The following DGKH variants were observed in gnomAD, a reference collection of about 807,000 sequenced individuals.
DGKH encodes diacylglycerol kinase eta.
DGKH carries 90 observed loss-of-function variants against 159.3 expected under a neutral mutation model. That is an observed-to-expected ratio of 0.57 (90% confidence interval 0.48 to 0.67). The LOEUF (loss-of-function observed/expected upper bound fraction) is 0.67. Ranked by LOEUF, DGKH falls within the 30% of genes least tolerant of loss-of-function variation. The pLI, the probability that DGKH is intolerant of heterozygous loss-of-function variation, is 0.00. For synonymous variants in DGKH, 536 were observed against 553.8 expected, an observed-to-expected ratio of 0.97 and a Z score of 0.45; for missense variants, 1,181 against 1,506.1, an observed-to-expected ratio of 0.78 and a Z score of 3.57.
At chr13:42,151,498 T>TATATATATATACAC in intron 3 of DGKH, among the ~76,000 whole-genome samples, 1 of 139,666 alleles carries the variant, frequency 7.2e-6, no homozygotes, top group Non-Finnish European at 1.5e-5. Flanking sequence ...TGTGTGTGTG[T>TATATATATATACAC]GTGTGTGTAT....
intron 5 of DGKH, among the ~76,000 whole-genome samples, chr13:42,157,921 G>A (rs768010913): frequency 2.6e-5 from 4 of 151,982 alleles, no homozygotes; most frequent in Admixed American, 6.6e-5. Flanking sequence ...CATCACACCC[G>A]GCTAATTTTT....
intron 1 of DGKH, chr13:42,070,279 A>G (rs543017416): frequency 1.9e-4 from 238 of 1,222,164 alleles, no homozygotes; most frequent in Non-Finnish European, 2.6e-4. Flanking sequence ...TGGCTCAGTC[A>G]TGTGATTTCT....
downstream of DGKH, among the ~76,000 whole-genome samples, chr13:42,243,415 T>C (rs1196050856): frequency 6.6e-6 from 1 of 152,224 alleles, no homozygotes; most frequent in Non-Finnish European, 1.5e-5. Context: ...GCATTTATAG[T>C]AATGATTCCT....
chr13:42,244,905 A>G (rs1326828220), downstream of DGKH, among the ~76,000 whole-genome samples: 2 of 21,112 alleles, frequency 9.5e-5, no homozygotes, highest in Non-Finnish European at 1.9e-4. Flanking sequence ...CTCCGTCTCA[A>G]AAAAAAAAAA....
At chr13:42,117,881 G>C (rs1244384298) in intron 1 of DGKH, among the ~76,000 whole-genome samples, 2 of 152,012 alleles carry the variant, frequency 1.3e-5, no homozygotes, top group East Asian at 3.9e-4. Flanking sequence ...TTTCATACAC[G>C]TGAAAAGAAA....
Position 42,148,889 on chromosome 13 carries a change from G to A in DGKH, c.385-6402G>A, listed in dbSNP as rs566168863. Reference sequence around the variant, plus strand: ...CCCTCCTTGTGGCTTCTTCCCCGCCGACATACACAGGAAACCTTACTTGGC... The same window carrying A: ...CCCTCCTTGTGGCTTCTTCCCCGCCAACATACACAGGAAACCTTACTTGGC... On this transcript the variant is annotated intron_variant, in intron 3 of 29. Transcript: ENST00000337343. Among the ~76,000 whole-genome samples, 98 of 149,932 alleles carry A rather than the reference G, an allele frequency of 6.5e-4. 1 individual carries two copies. Among genetic ancestry groups the A allele is most frequent in the Middle Eastern group, 3.5e-3 (1 of 284 alleles).
At position 42,198,599 on chromosome 13, in the gene DGKH, A is replaced by C. The variant is rs1363746445; in HGVS notation, c.2285+4A>C. ...TTGACCCGGATCTAGATTCCGTGTA[A>C]GAAAATGCTTTTGCAAATATTTTGT... On this transcript the variant is annotated splice_donor_region_variant and intron_variant, in intron 18 of 29. Coordinates refer to ENST00000337343, the MANE Select transcript of DGKH (RefSeq NM_178009.5). 1 of 1,601,840 alleles carries C rather than the reference A, an allele frequency of 6.2e-7. No homozygotes were observed. Among genetic ancestry groups the C allele is most frequent in the Non-Finnish European group, 8.5e-7 (1 of 1,175,238 alleles).
intron 1 of DGKH, among the ~76,000 whole-genome samples, chr13:42,123,931 C>T (rs1037971986): frequency 7.9e-5 from 12 of 152,038 alleles, no homozygotes; most frequent in African/African-American, 2.9e-4. Context: ...TTGAGTGTGG[C>T]GAATATGTTC....
intron 1 of DGKH, among the ~76,000 whole-genome samples, chr13:42,057,324 A>G (rs1273548232): frequency 1.3e-5 from 2 of 152,192 alleles, no homozygotes; most frequent in African/African-American, 4.8e-5. Context: ...AATGAAAACG[A>G]CAGGAATTTT....
chr13:42,040,992 C>G (rs1038276450), intron 1 of DGKH, among the ~76,000 whole-genome samples: 1 of 151,552 alleles, frequency 6.6e-6, no homozygotes, highest in African/African-American at 2.4e-5. Context: ...TTTGCTCCCC[C>G]CGCCCGGGCC....
chr13:42,168,857 G>A (rs1225123459), intron 11 of DGKH, 39 bp downstream of exon 11: 12 of 1,570,974 alleles, frequency 7.6e-6, no homozygotes, highest in Non-Finnish European at 1.0e-5. Flanking sequence ...ATGGAAAATG[G>A]CATACTGAAA....
rs1408352512 is a variant in DGKH, at chr13:42,084,112, T to G, written c.192+35147T>G. On this transcript the variant is annotated intron_variant, in intron 1 of 29. Coordinates refer to ENST00000337343, the MANE Select transcript of DGKH (RefSeq NM_178009.5). The stretch of plus-strand genomic sequence containing the variant: ...GACATAATTATTGATATAAAATAAC[T>G]CCTGGTCATCCATATTCATGTAAAT... Among the ~76,000 whole-genome samples the G allele has an allele frequency of 3.3e-5, 5 of 152,156 alleles. No homozygotes were observed. In the South Asian group the frequency reaches 1.0e-3, roughly 32 times the overall value.
chr13:42,109,659 TGCGTGTGTGTGC>T (rs1359427620), intron 1 of DGKH, among the ~76,000 whole-genome samples: 63 of 87,860 alleles, frequency 7.2e-4, no homozygotes, highest in African/African-American at 2.3e-3. Context: ...TGCCTGTGCG[TGCGTGTGTGTGC>T]GTGTGTGTGT....
chr13:42,047,763 G>A (rs367729633), upstream of DGKH, among the ~76,000 whole-genome samples: 3 of 152,124 alleles, frequency 2.0e-5, no homozygotes, highest in African/African-American at 7.2e-5. Flanking sequence ...GACTTCCAAG[G>A]CTTTTTGTCT....
Position 42,176,869 on chromosome 13 carries a change from T to A in DGKH, c.1453-1266T>A, listed in dbSNP as rs1956617448. 4.6e-5 allele frequency among the ~76,000 whole-genome samples: 7 copies of A among 152,210 alleles called. No homozygotes were observed. In the South Asian group the frequency reaches 1.4e-3, roughly 32 times the overall value. ...TGATGTAAGGCTCTGAATATGAGGC[T>A]GTTTAAATATTGTGCACATTTTTAC... On this transcript the variant is annotated intron_variant, in intron 12 of 29. Transcript: ENST00000337343.
chr13:42,236,369 A>G lies in DGKH; in HGVS notation c.*7181A>G, dbSNP rs1958412369. ...TTTAAAAAACTGTATTCTTTACTGC[A>G]ATAGATAGCGGAATAGTAATAGACA... On this transcript the variant is annotated 3_prime_UTR_variant, in exon 30 of 30. Coordinates refer to ENST00000337343, the MANE Select transcript of DGKH (RefSeq NM_178009.5). 2 of 152,224 alleles carry G rather than the reference A, an allele frequency of 1.3e-5. No individual in the cohort carries two copies. Among genetic ancestry groups the G allele is most frequent in the African/African-American group, 4.8e-5 (2 of 41,466 alleles). 9.4% of individuals were successfully genotyped at this position (152,224 alleles called of 1,614,324 possible).
rs181611799 is a variant in DGKH, at chr13:42,103,931, C to T, written c.193-23532C>T. Among the ~76,000 whole-genome samples, 188 of 152,140 alleles carry T rather than the reference C, an allele frequency of 1.2e-3. 1 individual carries two copies. Among genetic ancestry groups the T allele is most frequent in the Non-Finnish European group, 1.7e-3 (117 of 68,004 alleles). On this transcript the variant is annotated intron_variant, in intron 1 of 29. Coordinates refer to ENST00000337343, the MANE Select transcript of DGKH (RefSeq NM_178009.5). ...ATAACTAATCAAAAATGAGTGATTA[C>T]GGATTAGATGGTAGGAACATATTAA...
At chr13:42,192,260 T>TA (rs1957090937) in intron 16 of DGKH, among the ~76,000 whole-genome samples, 5 of 152,168 alleles carry the variant, frequency 3.3e-5, no homozygotes, top group Middle Eastern at 3.2e-3. Context: ...CTAGGACCCT[T>TA]GAAGCAGATG....
At chr13:42,099,330 A>T (rs1044980490) in intron 1 of DGKH, among the ~76,000 whole-genome samples, 1 of 152,100 alleles carries the variant, frequency 6.6e-6, no homozygotes, top group Non-Finnish European at 1.5e-5. Context: ...TGTGTGTCAG[A>T]TGTTGTGCAG....
Sources: gnomAD v4.1 joint callset for allele counts (sites outside exome capture counted in the v4.1 genomes callset) on GRCh38, gnomAD v4.1.1 for gene constraint, MANE v1.5 for transcripts, NCBI Gene and HGNC (gene_info 2026-07-23, HGNC 2026-07-21) for gene names.